The following RADIL variants were observed in gnomAD, a reference collection of about 807,000 sequenced individuals.
RADIL encodes ras-associating and dilute domain-containing protein.
RADIL carries 99 observed loss-of-function variants against 97.6 expected under a neutral mutation model. The observed-to-expected ratio is 1.01, with a 90% confidence interval of 0.86 to 1.20. The LOEUF (loss-of-function observed/expected upper bound fraction) is 1.20, where lower values mean the gene tolerates loss of function less well. Ranked by LOEUF, RADIL falls within the 50% of genes most tolerant of loss-of-function variation. The pLI, the probability that RADIL is intolerant of heterozygous loss-of-function variation, is 0.00. For synonymous variants in RADIL, 803 were observed against 691.8 expected (o/e 1.16, Z -2.52); for missense variants, 1,765 against 1,498.9 (o/e 1.18, Z -2.93).
At chr7:4,801,463 G>A (rs1008427392) in intron 12 of RADIL, among the ~76,000 whole-genome samples, 190 bp downstream of exon 12, 30 of 152,222 alleles carry the variant, frequency 2.0e-4, no homozygotes, top group African/African-American at 6.5e-4. Flanking sequence ...CTGAGCGACC[G>A]TGTGGCCCAG....
Position 4,818,948 on chromosome 7 carries a change from T to G in RADIL, c.1616-1597A>C, listed in dbSNP as rs908342842. 4.6e-5 allele frequency among the ~76,000 whole-genome samples: 7 copies of G among 152,042 alleles called. No individual in the cohort carries two copies. Among genetic ancestry groups the G allele is most frequent in the Admixed American group, 4.6e-4 (7 of 15,270 alleles). On this transcript the variant is annotated intron_variant, in intron 6 of 14. Transcript: ENST00000399583. The surrounding 1 kb of genome is among the most constrained non-coding windows in gnomAD (Gnocchi z 7.1). ...TTTAATTTTTGGTAGAGATGGGATC[T>G]CACTATGTTGCCCAGGCTGGTCTGG...
intron 2 of RADIL, among the ~76,000 whole-genome samples, chr7:4,857,058 T>C (rs1158269145): frequency 1.3e-5 from 2 of 152,244 alleles, no homozygotes; most frequent in African/African-American, 4.8e-5. Flanking sequence ...CTGCTTGATA[T>C]CAATTAATGA....
rs767590050 is a variant in RADIL at position 4,817,229 on chromosome 7, G to A, written c.1728+10C>T. The A allele has an allele frequency of 2.1e-5, 33 of 1,605,066 alleles. No individual in the cohort carries two copies. The highest frequency in any genetic ancestry group is 1.7e-4 in the Middle Eastern group (1 of 6,036). ...CTGCCTGAGTGCAGAAGCAGAGCCCGTCCGTGCACCTTGGAGACATAGTAG... is the reference window on the plus strand; with the variant it reads ...CTGCCTGAGTGCAGAAGCAGAGCCCATCCGTGCACCTTGGAGACATAGTAG... On this transcript the variant is annotated intron_variant, in intron 7 of 14. Transcript: ENST00000399583. This position sits in a 1 kb window ranked among gnomAD's most constrained non-coding sequence, Gnocchi z 8.3.
Position 4,837,212 on chromosome 7 carries a change from A to G in RADIL, c.536-607T>C, listed in dbSNP as rs1783323633. Among the ~76,000 whole-genome samples the G allele has an allele frequency of 6.6e-6, 1 of 152,120 alleles. No individual in the cohort carries two copies. The highest frequency in any genetic ancestry group is 2.4e-5 in the African/African-American group (1 of 41,446). On this transcript the variant is annotated intron_variant, in intron 2 of 14. Coordinates refer to ENST00000399583, the MANE Select transcript of RADIL (RefSeq NM_018059.5). This position sits in a 1 kb window ranked among gnomAD's most constrained non-coding sequence, Gnocchi z 5.6. ...GCCTCCCCTGCAGCAGCCCAGGGTC[A>G]CACCGCGGCCTGCCCGACCAGCCAG...
At chr7:4,848,119 C>A (rs1053238305) in intron 2 of RADIL, among the ~76,000 whole-genome samples, 1 of 151,580 alleles carries the variant, frequency 6.6e-6, no homozygotes, top group African/African-American at 2.4e-5. Context: ...ACTGCTTGAA[C>A]CTGGGAGATG....
Position 4,836,363 on chromosome 7 carries a change from G to A in RADIL, c.778C>T (p.Gln260Ter). 1.3e-6 allele frequency: 2 copies of A among 1,571,736 alleles called. No individual in the cohort carries two copies. Among genetic ancestry groups the A allele is most frequent in the Non-Finnish European group, 1.7e-6 (2 of 1,158,356 alleles). ...TGTCAGGAGGGGAGGCTCACGTGCT[G>A]CTGGCTGTAGCCCTGCAGAAGGAGC... The part of the protein sequence containing the change: ...HLLLLQGYSQ[Q>*]HDSLVYVLNR... The change falls in exon 3 of 15, where the codon CAG (glutamine) becomes TAG (stop). Residue 260 changes from glutamine (Q) to a stop codon, truncating the protein, a stop_gained. Coordinates refer to ENST00000399583, the MANE Select transcript of RADIL (RefSeq NM_018059.5). LOFTEE classifies it high-confidence loss of function.
At chr7:4,877,569 AC>A in intron 2 of RADIL, 35 bp downstream of exon 2, 1 of 1,559,596 alleles carries the variant, frequency 6.4e-7, no homozygotes, top group Non-Finnish European at 8.6e-7. Flanking sequence ...CAGCGCTCAG[AC>A]CCACGGCTCT....
At chr7:4,830,913 C>T (rs944942289) in intron 5 of RADIL, among the ~76,000 whole-genome samples, 2 of 151,484 alleles carry the variant, frequency 1.3e-5, no homozygotes, top group Admixed American at 6.6e-5. Context: ...CCCAGCTACT[C>T]GGGAGGCTGA....
chr7:4,834,026 T>A lies in RADIL; in HGVS notation c.1416+581A>T, dbSNP rs1783222074. The stretch of plus-strand genomic sequence containing the variant: ...ACAGGCCAGCCTCACAGCAAGGAGC[T>A]CTCCTGCCACAGTGTCCACAGGGCC... On this transcript the variant is annotated intron_variant, in intron 4 of 14. Transcript: ENST00000399583. The surrounding 1 kb of genome is among the most constrained non-coding windows in gnomAD (Gnocchi z 6.0). Among the ~76,000 whole-genome samples the A allele has an allele frequency of 2.0e-5, 3 of 151,902 alleles. No homozygotes were observed. The highest frequency in any genetic ancestry group is 2.0e-4 in the Admixed American group (3 of 15,250).
intron 2 of RADIL, among the ~76,000 whole-genome samples, chr7:4,850,822 C>T (rs1214450738): frequency 1.3e-5 from 2 of 152,196 alleles, no homozygotes; most frequent in African/African-American, 4.8e-5. Context: ...GAGGGTCCAG[C>T]TCTCCCGTGC....
At chr7:4,876,999 G>A (rs933670991) in intron 2 of RADIL, among the ~76,000 whole-genome samples, 5 of 152,224 alleles carry the variant, frequency 3.3e-5, no homozygotes, top group South Asian at 2.1e-4. Flanking sequence ...TTAACAAGGC[G>A]TGCGTGGTTG....
rs865952658 is a variant in RADIL, at chr7:4,853,234, A to G, written c.536-16629T>C. 2.6e-5 allele frequency among the ~76,000 whole-genome samples: 4 copies of G among 152,160 alleles called. 1 individual carries two copies. The highest frequency in any genetic ancestry group is 2.1e-4 in the South Asian group (1 of 4,820). ...CCTCCAACCTTGAGCGTGAGTGGGA[A>G]CTGTTCGTGTCATTTCAAGATTATG... On this transcript the variant is annotated intron_variant, in intron 2 of 14. Transcript: ENST00000399583.
At chr7:4,875,187 A>G (rs534309522) in intron 2 of RADIL, among the ~76,000 whole-genome samples, 9,024 of 107,208 alleles carry the variant, frequency 0.084, 1,294 homozygotes, top group African/African-American at 0.31. Flanking sequence ...GCGAGACTCC[A>G]TCTCCAACAA....
At position 4,803,702 on chromosome 7, in the gene RADIL, G is replaced by C; in HGVS notation, c.2343C>G (p.Asp781Glu). 1 of 1,566,850 alleles carries C rather than the reference G, an allele frequency of 6.4e-7. No individual in the cohort carries two copies. The highest frequency in any genetic ancestry group is 8.6e-7 in the Non-Finnish European group (1 of 1,156,512). The stretch of plus-strand genomic sequence containing the variant: ...TGGCTTCCAAGTCCACCTGGAAGCC[G>C]TCGCTGGGCAGGACGATGGGTGGGG... ...ENPPPIVLPSDGFQVDLEANC... is the reference protein window; with the variant it reads ...ENPPPIVLPSEGFQVDLEANC... The change falls in exon 11 of 15, where the codon GAC becomes GAG. Residue 781 changes from aspartate to glutamate, a missense_variant. By Grantham distance (45) the Asp-to-Glu change is conservative. Transcript: ENST00000399583.
chr7:4,831,158 T>G (rs530092222), intron 5 of RADIL, among the ~76,000 whole-genome samples: 6 of 148,792 alleles, frequency 4.0e-5, no homozygotes, highest in African/African-American at 9.9e-5. Context: ...ATTATTGCAC[T>G]CTAGCCTGGG....
In RADIL at chr7:4,801,696, C is replaced by T; in HGVS notation, c.2799G>A (p.Arg933=). 1 of 1,609,282 alleles carries T rather than the reference C, an allele frequency of 6.2e-7. No homozygotes were observed. The highest frequency in any genetic ancestry group is 1.1e-5 in the South Asian group (1 of 90,464). The change falls in exon 12 of 15, where the codon AGG becomes AGA. Residue 933 remains arginine (R), a synonymous_variant. Coordinates refer to ENST00000399583, the MANE Select transcript of RADIL (RefSeq NM_018059.5). ...GGAGGCCGCTGAGTCCGTTCCTCTG[C>T]CTCTCTGGGAGCGCTTTTCCACAGG... ...GGPCGKALPE[R]QRNGLSGLRG... is the part of the protein sequence containing the mutation.
At position 4,817,175 on chromosome 7, in the gene RADIL, C is replaced by A. The variant is rs1393700911; in HGVS notation, c.1728+64G>T. 3.4e-6 allele frequency: 5 copies of A among 1,450,936 alleles called. No individual in the cohort carries two copies. Among genetic ancestry groups the A allele is most frequent in the Non-Finnish European group, 4.8e-6 (5 of 1,052,500 alleles). The allele number at this position is 1,450,936 out of a possible 1,614,324, so 89.9% of individuals were successfully genotyped here. On this transcript the variant is annotated intron_variant, in intron 7 of 14. Coordinates refer to ENST00000399583, the MANE Select transcript of RADIL (RefSeq NM_018059.5). The surrounding 1 kb of genome is among the most constrained non-coding windows in gnomAD (Gnocchi z 8.3). Reference sequence around the variant, plus strand: ...AGGCTCCTTAGGAGAGCCACAGGCACAAGCTTGAGCCCCACTTGATCCCAG... The same window carrying A: ...AGGCTCCTTAGGAGAGCCACAGGCAAAAGCTTGAGCCCCACTTGATCCCAG...
chr7:4,832,026 G>T, intron 5 of RADIL, 115 bp downstream of exon 5: 1 of 1,109,108 alleles, frequency 9.0e-7, no homozygotes, highest in Non-Finnish European at 1.3e-6. Context: ...GAAGGACAAA[G>T]CCCAGAGCTG....
intron 1 of RADIL, among the ~76,000 whole-genome samples, chr7:4,881,812 A>C (rs1784494176): frequency 6.6e-6 from 1 of 151,912 alleles, no homozygotes; most frequent in South Asian, 2.1e-4. Flanking sequence ...AGGGGTGGAT[A>C]TATGTTTTGT....
Sources: gnomAD v4.1 joint callset for allele counts (sites outside exome capture counted in the v4.1 genomes callset) on GRCh38, gnomAD v4.1.1 for gene constraint, Gnocchi (gnomAD v3.1) non-coding constraint, MANE v1.5 for transcripts, NCBI Gene and HGNC (gene_info 2026-07-23, HGNC 2026-07-21) for gene names.